The following RNF17 variants were observed in gnomAD, a reference collection of about 807,000 sequenced individuals.
RNF17 encodes ring finger protein 17, also known as spermatogenesis associated 23.
Under a neutral mutation model 200.5 loss-of-function variants are expected in RNF17, and 31 were observed. The ratio of observed to expected loss-of-function variants is 0.15; its 90% confidence interval spans 0.12 to 0.21. RNF17 has a LOEUF of 0.21. RNF17 is among the 10% of genes least tolerant of loss of function. RNF17 has a pLI of 1.00. For synonymous variants in RNF17, 606 were observed against 637.8 expected, an observed-to-expected ratio of 0.95 and a Z score of 0.75; for missense variants, 1,628 against 1,905.1, an observed-to-expected ratio of 0.85 and a Z score of 2.71.
intron 18 of RNF17, among the ~76,000 whole-genome samples, chr13:24,834,500 C>G (rs902639837): frequency 6.6e-6 from 1 of 152,116 alleles, no homozygotes; most frequent in Non-Finnish European, 1.5e-5. Flanking sequence ...GGGAGAGCCC[C>G]CAAAACTGAG....
chr13:24,748,473 A>T, the RNF17 span, among the ~76,000 whole-genome samples: 1 of 152,330 alleles, frequency 6.6e-6, no homozygotes, highest in East Asian at 1.9e-4. Context: ...GACAAAAACA[A>T]CAAAAAGGAT....
intron 25 of RNF17, among the ~76,000 whole-genome samples, chr13:24,857,431 G>A (rs1011901158): frequency 6.6e-6 from 1 of 152,102 alleles, no homozygotes; most frequent in African/African-American, 2.4e-5. Context: ...ATATGAACCC[G>A]GTTTCTATAG....
At chr13:24,868,194 G>A (rs1163725571) in intron 30 of RNF17, among the ~76,000 whole-genome samples, 1 of 152,126 alleles carries the variant, frequency 6.6e-6, no homozygotes, top group Non-Finnish European at 1.5e-5. Context: ...GCTGGGGCCG[G>A]GCGCGGTGGC....
chr13:24,781,113 G>A (rs1225468264), intron 5 of RNF17, among the ~76,000 whole-genome samples: 2 of 151,816 alleles, frequency 1.3e-5, no homozygotes, highest in Non-Finnish European at 2.9e-5. Flanking sequence ...AGGGGTCATG[G>A]ATCTAAGCAA....
chr13:24,832,180 A>C (rs1383787793), intron 18 of RNF17, among the ~76,000 whole-genome samples: 2 of 152,220 alleles, frequency 1.3e-5, no homozygotes, highest in Non-Finnish European at 2.9e-5. Context: ...TAAAAGATCA[A>C]GTCACCCTTG....
At chr13:24,759,263 G>GAAAAGT (rs781538047), upstream of RNF17, among the ~76,000 whole-genome samples, 14 of 152,068 alleles carry the variant, frequency 9.2e-5, no homozygotes, top group Non-Finnish European at 1.9e-4. Flanking sequence ...TTCTCATGGG[G>GAAAAGT]AAAAGTAAGC....
In RNF17 at chr13:24,861,431, G is replaced by A. The variant is rs778686691; in HGVS notation, c.3894+44G>A. ...GTGGAATGATTAATTTTAAATATTAGTTTTTATTAATAATTTTTTAGAAAT... is the reference window on the plus strand; with the variant it reads ...GTGGAATGATTAATTTTAAATATTAATTTTTATTAATAATTTTTTAGAAAT... On this transcript the variant is annotated intron_variant, in intron 27 of 35. Coordinates refer to ENST00000255324, the MANE Select transcript of RNF17 (RefSeq NM_031277.3). The A allele has an allele frequency of 4.3e-5, 54 of 1,253,262 alleles. No homozygotes were observed. In the East Asian group the frequency reaches 1.5e-3, roughly 34 times the overall value. 77.6% of individuals were successfully genotyped at this position (1,253,262 alleles called of 1,614,324 possible).
chr13:24,827,714 A>AC (rs1294465898), intron 16 of RNF17, among the ~76,000 whole-genome samples: 2 of 98,176 alleles, frequency 2.0e-5, no homozygotes, highest in East Asian at 4.0e-4. Context: ...AAAAAAAAAA[A>AC]AAACAAAAAA....
the RNF17 span, among the ~76,000 whole-genome samples, chr13:24,757,414 C>A: frequency 6.6e-5 from 10 of 151,834 alleles, no homozygotes; most frequent in Non-Finnish European, 1.5e-5. Context: ...ACCTCCGCCT[C>A]CTGGGTTGAA....
chr13:24,812,364 G>T (rs540228801), intron 15 of RNF17, among the ~76,000 whole-genome samples: 3 of 151,820 alleles, frequency 2.0e-5, no homozygotes, highest in Non-Finnish European at 4.4e-5. Context: ...TTTTAAGCCG[G>T]TCGGAAAAGT....
At chr13:24,863,439 T>C (rs1436799499) in intron 28 of RNF17, among the ~76,000 whole-genome samples, 1 of 152,042 alleles carries the variant, frequency 6.6e-6, no homozygotes, top group African/African-American at 2.4e-5. Flanking sequence ...TGAATAGCAT[T>C]CAGGAGAGGT....
intron 15 of RNF17, 117 bp from the exon 16 acceptor site, chr13:24,825,502 T>A: frequency 1.4e-6 from 1 of 723,790 alleles, no homozygotes; most frequent in Non-Finnish European, 2.2e-6. Flanking sequence ...ATTGATAGAT[T>A]TACATTCAAT....
chr13:24,885,127 T>C, the RNF17 span: 4 of 645,990 alleles, frequency 6.2e-6, no homozygotes, highest in Non-Finnish European at 1.1e-5. Flanking sequence ...ACAGAGATTG[T>C]ATGCCGCCTT....
In RNF17 at chr13:24,866,159, C is replaced by G; in HGVS notation, c.4117C>G (p.His1373Asp). The G allele has an allele frequency of 1.3e-6, 2 of 1,531,090 alleles. No homozygotes were observed. The highest frequency in any genetic ancestry group is 1.8e-6 in the Non-Finnish European group (2 of 1,108,402). 94.8% of individuals were successfully genotyped at this position (1,531,090 alleles called of 1,614,324 possible). ...ATTATTTCAGAAACCAAGATCAGAT[C>G]ATGATAAAAAGTATGAAGAGGAACA... ...EMLKEKPRSD[H>D]DKKYEEEQWE... Residue 1373 changes from histidine to aspartate, a missense_variant, in exon 30 of 36, where the codon CAT (histidine) becomes GAT (aspartate). This residue lies in a region of RNF17 where 609 missense variants were observed against 681.9 expected (regional missense o/e 0.89). Coordinates refer to ENST00000255324, the MANE Select transcript of RNF17 (RefSeq NM_031277.3).
chr13:24,875,118 AT>A (rs1427995923), intron 33 of RNF17, among the ~76,000 whole-genome samples: 1 of 152,178 alleles, frequency 6.6e-6, no homozygotes, highest in East Asian at 1.9e-4. Context: ...GGATTTCAAA[AT>A]TTTTTCACCA....
chr13:24,844,655 A>G lies in RNF17; in HGVS notation c.2835A>G (p.Leu945=). 6.3e-7 allele frequency: 1 copy of G among 1,586,112 alleles called. No individual in the cohort carries two copies. Among genetic ancestry groups the G allele is most frequent in the Non-Finnish European group, 8.6e-7 (1 of 1,157,994 alleles). The change falls in exon 21 of 36, where the codon TTA becomes TTG. Residue 945 remains leucine (L), a synonymous_variant. Coordinates refer to ENST00000255324, the MANE Select transcript of RNF17 (RefSeq NM_031277.3). ...TAAATATTTTTTATCTCTATAGTTT[A>G]GAAGAAAAGATGATAGCTGCTTATG... ...WLLTENLLNS[L]EEKMIAAYEN...
upstream of RNF17, among the ~76,000 whole-genome samples, chr13:24,763,798 G>A (rs1185235389): frequency 6.6e-6 from 1 of 152,184 alleles, no homozygotes; most frequent in Non-Finnish European, 1.5e-5. Flanking sequence ...TATTGGCCAA[G>A]CCCTGGATGC....
intron 23 of RNF17, 105 bp from the exon 24 acceptor site, chr13:24,851,351 T>C: frequency 1.2e-6 from 1 of 805,220 alleles, no homozygotes; most frequent in Non-Finnish European, 2.1e-6. Context: ...CTGGGAATAT[T>C]TCTTGCTTAG....
At chr13:24,749,730 A>G in the RNF17 span, among the ~76,000 whole-genome samples, 1 of 151,770 alleles carries the variant, frequency 6.6e-6, no homozygotes, top group African/African-American at 2.4e-5. Context: ...TTTGTTATTA[A>G]TTGCTCTTTT....
Sources: allele counts gnomAD v4.1 joint callset (sites outside exome capture counted in the v4.1 genomes callset), GRCh38; gene constraint gnomAD v4.1.1; regional missense constraint gnomAD v4.1.1; transcripts MANE v1.5; gene names NCBI Gene and HGNC (gene_info 2026-07-23, HGNC 2026-07-21).